Variants in CIT observed in about 807,000 individuals in gnomAD.
CIT encodes citron Rho-interacting kinase.
In CIT, 79 loss-of-function variants were observed where a neutral mutation model predicts 272.7. The ratio of observed to expected loss-of-function variants is 0.29; its 90% CI spans 0.24 to 0.35. The LOEUF (loss-of-function observed/expected upper bound fraction) is 0.35. CIT is among the 10% of genes least tolerant of loss of function. CIT has a pLI of 1.00. For synonymous variants in CIT, 948 were observed against 995.6 expected, an observed-to-expected ratio of 0.95 and a Z score of 0.90; for missense variants, 1,909 against 2,618.3, an observed-to-expected ratio of 0.73 and a Z score of 5.91.
rs188374489 is a variant in CIT at position 119,732,744 on chromosome 12, C to G, written c.3350+1420G>C. 7.9e-5 allele frequency among the ~76,000 whole-genome samples: 12 copies of G among 152,266 alleles called. 1 individual carries two copies. The highest frequency in any genetic ancestry group is 5.8e-4 in the East Asian group (3 of 5,184). ...GATAGATACCCAAGTGAGTGTAATA[C>G]AGACTAATTCATTGATCGATATTTC... On this transcript the variant is annotated intron_variant, in intron 26 of 47. Coordinates refer to ENST00000392521, the MANE Select transcript of CIT (RefSeq NM_001206999.2).
At chr12:119,835,997 T>C (rs1968972296) in intron 5 of CIT, among the ~76,000 whole-genome samples, 1 of 152,058 alleles carries the variant, frequency 6.6e-6, no homozygotes, top group South Asian at 2.1e-4. Flanking sequence ...TGAAAAAATT[T>C]TGATTTATGG....
chr12:119,848,164 G>T (rs112571151), intron 5 of CIT, among the ~76,000 whole-genome samples: 1 of 152,174 alleles, frequency 6.6e-6, no homozygotes, highest in Non-Finnish European at 1.5e-5. Flanking sequence ...CTGAAGGCAC[G>T]TGTGGTCAGT....
chr12:119,781,494 T>C (rs915479171), intron 13 of CIT, among the ~76,000 whole-genome samples: 5 of 152,240 alleles, frequency 3.3e-5, no homozygotes, highest in Non-Finnish European at 7.3e-5. Context: ...TTAGATTTTC[T>C]GAAGTGAATG....
intron 21 of CIT, among the ~76,000 whole-genome samples, chr12:119,758,119 A>T (rs185339485): frequency 6.6e-6 from 1 of 151,604 alleles, no homozygotes; most frequent in Non-Finnish European, 1.5e-5. Context: ...CCTAAGGGGG[A>T]AAAAAATCCT....
chr12:119,845,222 T>C (rs560886314), intron 5 of CIT, among the ~76,000 whole-genome samples: 1 of 152,182 alleles, frequency 6.6e-6, no homozygotes, highest in East Asian at 1.9e-4. Flanking sequence ...CCGATGCCAG[T>C]GGTGAGATCA....
At chr12:119,783,831 G>T in intron 12 of CIT, 77 bp downstream of exon 12, 4 of 1,480,726 alleles carry the variant, frequency 2.7e-6, no homozygotes, top group Non-Finnish European at 3.6e-6. Flanking sequence ...GCCTCATGGA[G>T]CCATCATGAA....
chr12:119,712,250 C>A lies in CIT; in HGVS notation c.4782G>T (p.Gln1594His). The A allele has an allele frequency of 6.2e-7, 1 of 1,614,170 alleles. No individual in the cohort carries two copies. Among genetic ancestry groups the A allele is most frequent in the Non-Finnish European group, 8.5e-7 (1 of 1,179,996 alleles). ...YLLAPSFPDK[Q>H]RWVTALESVV... ...CTGATTCTAAGGCGGTGACCCAGCG[C>A]TGTTTGTCAGGGAAGCTGGGAGCTA... is the stretch of plus-strand genomic sequence containing the variant. The change falls in exon 37 of 48, where the codon CAG (glutamine) becomes CAT (histidine). Residue 1594 changes from glutamine (Q) to histidine (H), a missense_variant. Gln to His is a conservative substitution (Grantham distance 24, BLOSUM62 0). Coordinates refer to ENST00000392521, the MANE Select transcript of CIT (RefSeq NM_001206999.2). This position sits in a 1 kb window ranked among gnomAD's most constrained non-coding sequence, Gnocchi z 5.2.
At chr12:119,809,458 A>C (rs1966779267) in intron 9 of CIT, among the ~76,000 whole-genome samples, 1 of 152,200 alleles carries the variant, frequency 6.6e-6, no homozygotes, top group African/African-American at 2.4e-5. Context: ...ACATATATAT[A>C]GGTTTTCATC....
intron 4 of CIT, among the ~76,000 whole-genome samples, chr12:119,853,364 ATTTAAT>A (rs1970360869): frequency 6.8e-6 from 1 of 147,624 alleles, no homozygotes. Context: ...CAATTTTTTT[ATTTAAT>A]TTTAAATAAA....
chr12:119,734,560 A>C (rs1305957513), intron 25 of CIT, among the ~76,000 whole-genome samples: 1 of 152,150 alleles, frequency 6.6e-6, no homozygotes, highest in East Asian at 1.9e-4. Context: ...CAGGATCCAA[A>C]GCAAAGCCAG....
chr12:119,806,671 C>G (rs1421252695), intron 9 of CIT, among the ~76,000 whole-genome samples: 1 of 127,632 alleles, frequency 7.8e-6, no homozygotes, highest in African/African-American at 2.9e-5. Context: ...AATAAATTCA[C>G]AATTAAAAAG....
Position 119,865,577 on chromosome 12 carries a change from T to C in CIT, c.238+3483A>G, listed in dbSNP as rs117170377. Among the ~76,000 whole-genome samples the C allele has an allele frequency of 5.3e-3, 810 of 152,276 alleles. 42 individuals are homozygous for C. In the South Asian group the frequency reaches 0.1, roughly 20 times the overall value. ...AATTCCAACACAGCCTCATTAGATA[T>C]ACATTATTCCCAATGGGCGTGGTGG... On this transcript the variant is annotated intron_variant, in intron 3 of 47. Transcript: ENST00000392521.
At chr12:119,824,038 C>CAAAAAA (rs33990395) in intron 8 of CIT, among the ~76,000 whole-genome samples, 1 of 50,708 alleles carries the variant, frequency 2.0e-5, no homozygotes, top group Non-Finnish European at 3.3e-5. Context: ...GACTCCATCT[C>CAAAAAA]AAAAAAAAAA....
chr12:119,809,798 G>A (rs1036810447), intron 9 of CIT, among the ~76,000 whole-genome samples: 2 of 152,206 alleles, frequency 1.3e-5, no homozygotes, highest in African/African-American at 2.4e-5. Context: ...CAGCCTATGA[G>A]GATTAGATCA....
intron 28 of CIT, among the ~76,000 whole-genome samples, chr12:119,725,569 G>A (rs1958048703): frequency 6.6e-6 from 1 of 152,224 alleles, no homozygotes; most frequent in African/African-American, 2.4e-5. Context: ...AGCATTCTTT[G>A]TTCCAGAATG....
intron 13 of CIT, among the ~76,000 whole-genome samples, chr12:119,778,730 C>A (rs1200646749): frequency 1.3e-5 from 2 of 151,990 alleles, no homozygotes; most frequent in African/African-American, 4.8e-5. Context: ...CCTCTATTAT[C>A]TGTAAAGGAG....
chr12:119,850,766 C>T (rs550552828), intron 4 of CIT, among the ~76,000 whole-genome samples: 48 of 152,256 alleles, frequency 3.2e-4, no homozygotes, highest in Non-Finnish European at 5.9e-4. Flanking sequence ...GTCATGGTGG[C>T]CCAGGACACA....
chr12:119,722,446 A>C (rs977720703), intron 28 of CIT, among the ~76,000 whole-genome samples: 1 of 152,168 alleles, frequency 6.6e-6, no homozygotes, highest in Non-Finnish European at 1.5e-5. Flanking sequence ...AGCCACTGAT[A>C]ATCTCAGCAT....
chr12:119,712,643 T>C lies in CIT; in HGVS notation c.4632A>G (p.Val1544=), dbSNP rs1344255618. The change falls in exon 36 of 48, where the codon GTA becomes GTG. Residue 1544 remains valine (V), a synonymous_variant. Transcript: ENST00000392521. This position sits in a 1 kb window ranked among gnomAD's most constrained non-coding sequence, Gnocchi z 5.2. ...AAGCACCAACGGCACCATGAATAGA[T>C]ACATCCCCGTCGGGAAGGCACAGCT... ...EFELCLPDGD[V]SIHGAVGASE... is the part of the protein sequence containing the mutation. 1 of 1,613,946 alleles carries C rather than the reference T, an allele frequency of 6.2e-7. No individual in the cohort carries two copies. Among genetic ancestry groups the C allele is most frequent in the African/African-American group, 1.3e-5 (1 of 74,876 alleles).
Sources: gnomAD v4.1 joint callset for allele counts (sites outside exome capture counted in the v4.1 genomes callset) on GRCh38, gnomAD v4.1.1 for gene constraint, Gnocchi (gnomAD v3.1) non-coding constraint, MANE v1.5 for transcripts, NCBI Gene and HGNC (gene_info 2026-07-23, HGNC 2026-07-21) for gene names.